The following TTLL3 variants were observed in gnomAD, a reference collection of about 807,000 sequenced individuals.
TTLL3 encodes the protein tubulin tyrosine ligase like 3.
In TTLL3, 63 loss-of-function variants were observed where a neutral mutation model predicts 75.2. The ratio of observed to expected loss-of-function variants is 0.84; its 90% CI spans 0.68 to 1.03. The LOEUF (loss-of-function observed/expected upper bound fraction) is 1.03, where lower values mean the gene tolerates loss of function less well. Ranked by LOEUF, TTLL3 falls within the 50% of genes least tolerant of loss-of-function variation. The probability of loss-of-function intolerance (pLI) is 0.00; values close to 1 mark genes in which losing one functional copy is unlikely to be tolerated. For synonymous variants in TTLL3, 393 were observed against 418.5 expected (o/e 0.94, Z 0.74); for missense variants, 997 against 1,069.9 (o/e 0.93, Z 0.95).
intron 8 of TTLL3, among the ~76,000 whole-genome samples, chr3:9,823,286 A>T (rs1185236827): frequency 6.6e-6 from 1 of 151,968 alleles, no homozygotes; most frequent in African/African-American, 2.4e-5. Context: ...CGGGAGGCTG[A>T]GGCAGGAGAA....
chr3:9,819,036 C>A, intron 7 of TTLL3, 116 bp downstream of exon 7: 1 of 1,328,760 alleles, frequency 7.5e-7, no homozygotes, highest in Non-Finnish European at 1.1e-6. Context: ...TTCATCCACA[C>A]ATCTGTGTAT....
At chr3:9,814,753 G>A (rs2079672058) in intron 4 of TTLL3, among the ~76,000 whole-genome samples, 1 of 151,090 alleles carries the variant, frequency 6.6e-6, no homozygotes, top group Non-Finnish European at 1.5e-5. Context: ...CGTGGGAGGT[G>A]GAGGTTGTAG....
chr3:9,810,021 C>G (rs934821718), upstream of TTLL3: 2 of 1,312,090 alleles, frequency 1.5e-6, no homozygotes, highest in South Asian at 2.1e-5. This position sits in a 1 kb window ranked among gnomAD's most constrained non-coding sequence, Gnocchi z 4.4. Context: ...AGGGCCCCGA[C>G]GCGCCACTGC....
At chr3:9,826,460 C>A (rs1190281691) in intron 9 of TTLL3, among the ~76,000 whole-genome samples, 1 of 152,156 alleles carries the variant, frequency 6.6e-6, no homozygotes, top group Non-Finnish European at 1.5e-5. Context: ...TGGCCAGGTA[C>A]AGTGGCTCAT....
chr3:9,824,282 G>C (rs1251737850), intron 8 of TTLL3, among the ~76,000 whole-genome samples: 1 of 151,932 alleles, frequency 6.6e-6, no homozygotes, highest in Non-Finnish European at 1.5e-5. Flanking sequence ...CACAGATTAA[G>C]ACAGGAATGA....
At chr3:9,830,290 A>G (rs2081399496) in intron 11 of TTLL3, among the ~76,000 whole-genome samples, 2 of 152,204 alleles carry the variant, frequency 1.3e-5, no homozygotes, top group Non-Finnish European at 2.9e-5. Flanking sequence ...ACTGGTAGCT[A>G]CTATTATTAG....
At chr3:9,816,284 T>C in intron 5 of TTLL3, 82 bp downstream of exon 5, 1 of 1,271,462 alleles carries the variant, frequency 7.9e-7, no homozygotes, top group Non-Finnish European at 1.0e-6. Flanking sequence ...CTCACCTTGT[T>C]AGTAAGAGGA....
intron 5 of TTLL3, 148 bp downstream of exon 5, chr3:9,816,350 T>G (rs1272046879): frequency 2.5e-6 from 2 of 801,888 alleles, no homozygotes; most frequent in Non-Finnish European, 1.7e-6. Flanking sequence ...CTGACCAGTA[T>G]CTGGCAAGTT....
rs1472819336 is a variant in TTLL3, at chr3:9,825,835, T to A, written c.890T>A (p.Val297Asp). 1.9e-6 allele frequency: 3 copies of A among 1,614,086 alleles called. No individual in the cohort carries two copies. Among genetic ancestry groups the A allele is most frequent in the South Asian group, 2.2e-5 (2 of 91,072 alleles). The change falls in exon 9 of 14, where the codon GTC (valine) becomes GAC (aspartate). Residue 297 changes from valine to aspartate, a missense_variant. Coordinates refer to ENST00000685419, the MANE Select transcript of TTLL3 (RefSeq NM_001387446.1). ...GAELRHLDTQ[V>D]QRCEDILQQL... Reference sequence around the variant, plus strand: ...GAACTCAGGCACCTCGACACTCAGGTCCAGCGCTGTGAGGACATCCTGCAG... The same window carrying A: ...GAACTCAGGCACCTCGACACTCAGGACCAGCGCTGTGAGGACATCCTGCAG...
chr3:9,828,962 C>G lies in TTLL3; in HGVS notation c.1250C>G (p.Ser417Ter). 6.2e-7 allele frequency: 1 copy of G among 1,614,182 alleles called. No homozygotes were observed. Among genetic ancestry groups the G allele is most frequent in the Non-Finnish European group, 8.5e-7 (1 of 1,180,014 alleles). ...CAGTTTTCTGTTCTCTGCCCCAGCT[C>G]AGTGCACCTGTGCAACAACTCCATC... ...QPFSLKNLDN[S>*]VHLCNNSIQK... The change falls in exon 11 of 14, where the codon TCA (serine) becomes TGA (stop). Residue 417 changes from serine to a stop codon, truncating the protein, a stop_gained and splice_region_variant. Transcript: ENST00000685419. LOFTEE classifies it high-confidence loss of function.
chr3:9,822,501 C>T (rs1470382461), intron 8 of TTLL3, among the ~76,000 whole-genome samples: 1 of 151,574 alleles, frequency 6.6e-6, no homozygotes, highest in African/African-American at 2.4e-5. Context: ...TACAAATGAC[C>T]AGCATTCATT....
intron 11 of TTLL3, among the ~76,000 whole-genome samples, chr3:9,832,194 T>C (rs28613464): frequency 1.4e-5 from 2 of 148,034 alleles, no homozygotes; most frequent in Non-Finnish European, 3.0e-5. Context: ...CAAGCAATTC[T>C]CCTGCCTCGA....
intron 5 of TTLL3, among the ~76,000 whole-genome samples, chr3:9,816,709 G>A (rs1400588718): frequency 6.6e-6 from 1 of 151,770 alleles, no homozygotes; most frequent in Non-Finnish European, 1.5e-5. Context: ...TAGAGATGGG[G>A]TTTCACCATG....
At chr3:9,813,778 C>CT (rs1337290149) in intron 4 of TTLL3, among the ~76,000 whole-genome samples, 1 of 152,092 alleles carries the variant, frequency 6.6e-6, no homozygotes, top group Non-Finnish European at 1.5e-5. Flanking sequence ...AAGCAAGACT[C>CT]TATCTCTAAA....
At chr3:9,825,287 G>A (rs1180033374) in intron 8 of TTLL3, 3 of 175,084 alleles carry the variant, frequency 1.7e-5, no homozygotes, top group South Asian at 1.1e-4. Flanking sequence ...GCACTGAGCC[G>A]TGATTTCACC....
At chr3:9,815,849 A>G (rs2079800932) in intron 4 of TTLL3, among the ~76,000 whole-genome samples, 1 of 152,228 alleles carries the variant, frequency 6.6e-6, no homozygotes, top group Non-Finnish European at 1.5e-5. Context: ...GGCCTCCCTA[A>G]GGCCAAAAGG....
At chr3:9,812,155 T>C (rs530606214) in intron 2 of TTLL3, among the ~76,000 whole-genome samples, 164 of 152,146 alleles carry the variant, frequency 1.1e-3, no homozygotes, top group African/African-American at 3.7e-3. Flanking sequence ...GGAGGATCAC[T>C]TGAGGCCAGG....
chr3:9,824,737 C>CTTTT (rs71052207), intron 8 of TTLL3, among the ~76,000 whole-genome samples: 246 of 80,186 alleles, frequency 3.1e-3, no homozygotes, highest in Non-Finnish European at 3.8e-3. Flanking sequence ...CTTTTCTTTT[C>CTTTT]TTTTTTTTTT....
At chr3:9,821,666 C>G (rs1358985707) in intron 8 of TTLL3, among the ~76,000 whole-genome samples, 1 of 152,208 alleles carries the variant, frequency 6.6e-6, no homozygotes, top group African/African-American at 2.4e-5. Context: ...GGTACTTTCT[C>G]TTTAGCTACT....
Sources: gnomAD v4.1 joint callset for allele counts (sites outside exome capture counted in the v4.1 genomes callset) on GRCh38, gnomAD v4.1.1 for gene constraint, Gnocchi (gnomAD v3.1) non-coding constraint, MANE v1.5 for transcripts, NCBI Gene and HGNC (gene_info 2026-07-23, HGNC 2026-07-21) for gene names.